SLC25A13: variants seen among roughly 807,000 people sequenced by gnomAD.
SLC25A13 encodes the protein solute carrier family 25 member 13, also known as electrogenic aspartate/glutamate antiporter SLC25A13, mitochondrial.
A neutral mutation model predicts 85.5 loss-of-function variants in SLC25A13; 70 were observed. The observed-to-expected ratio is 0.82, with a 90% CI of 0.68 to 1.00. SLC25A13 has a LOEUF of 1.00. Ranked by LOEUF, SLC25A13 falls within the 50% of genes least tolerant of loss-of-function variation. The pLI is 0.00. For missense variants in SLC25A13, 765 were observed against 819.8 expected, an observed-to-expected ratio of 0.93 and a Z score of 0.82; for synonymous variants, 259 against 288.7, an observed-to-expected ratio of 0.90 and a Z score of 1.04.
chr7:96,199,222 G>A (rs888649399), intron 5 of SLC25A13, among the ~76,000 whole-genome samples: 1 of 152,100 alleles, frequency 6.6e-6, no homozygotes, highest in African/African-American at 2.4e-5. Context: ...CCAGGCAGTC[G>A]GCTTCTGGAG....
intron 13 of SLC25A13, among the ~76,000 whole-genome samples, chr7:96,164,930 G>C (rs1793683911): frequency 6.6e-6 from 1 of 152,046 alleles, no homozygotes; most frequent in Admixed American, 6.5e-5. Context: ...TGATGGGAAG[G>C]GGTTTGACTA....
intron 13 of SLC25A13, among the ~76,000 whole-genome samples, chr7:96,162,898 G>A (rs1236633182): frequency 6.6e-6 from 1 of 152,090 alleles, no homozygotes; most frequent in Non-Finnish European, 1.5e-5. Flanking sequence ...ACCTTCATTT[G>A]ATTAACTCCA....
chr7:96,217,916 A>AAAAAG (rs1554356754), intron 4 of SLC25A13, among the ~76,000 whole-genome samples: 1 of 151,520 alleles, frequency 6.6e-6, no homozygotes, highest in Non-Finnish European at 1.5e-5. Context: ...AAAAAAACAA[A>AAAAAG]AAACACCTAG....
chr7:96,176,502 C>A (rs940272534), intron 11 of SLC25A13, among the ~76,000 whole-genome samples: 1 of 152,162 alleles, frequency 6.6e-6, no homozygotes, highest in Non-Finnish European at 1.5e-5. Flanking sequence ...GCTGCTAATG[C>A]GAGAAAAGAT....
rs778838192 is a variant in SLC25A13, at chr7:96,185,057, G to T, written c.934-46C>A. On this transcript the variant is annotated intron_variant, in intron 9 of 17. Coordinates refer to ENST00000265631, the MANE Select transcript of SLC25A13 (RefSeq NM_014251.3). Reference sequence around the variant, plus strand: ...TCAGAGAGCAGGAAAACAGGTGACAGAAAAGAAGATAAAACAAAAATGACC... The same window carrying T: ...TCAGAGAGCAGGAAAACAGGTGACATAAAAGAAGATAAAACAAAAATGACC... The T allele has an allele frequency of 2.7e-5, 41 of 1,515,122 alleles. No individual in the cohort carries two copies. In the South Asian group the frequency reaches 4.7e-4, roughly 17 times the overall value. The allele number at this position is 1,515,122 out of a possible 1,614,324, so 93.9% of individuals were successfully genotyped here.
intron 11 of SLC25A13, among the ~76,000 whole-genome samples, chr7:96,179,342 G>A (rs1254626005): frequency 2.0e-5 from 3 of 152,128 alleles, no homozygotes; most frequent in African/African-American, 4.8e-5. Context: ...CATTTTTGAG[G>A]TGTGGAACTA....
intron 1 of SLC25A13, among the ~76,000 whole-genome samples, chr7:96,320,259 A>G (rs1325714427): frequency 6.6e-6 from 1 of 152,138 alleles, no homozygotes; most frequent in Non-Finnish European, 1.5e-5. Context: ...CGCCCGCCCC[A>G]GCCTCCCAAA....
chr7:96,171,414 T>C, intron 12 of SLC25A13, 58 bp downstream of exon 12: 2 of 1,474,382 alleles, frequency 1.4e-6, no homozygotes, highest in Non-Finnish European at 1.9e-6. Flanking sequence ...GAATACCTGC[T>C]AGATTCTTGA....
At chr7:96,286,013 G>A (rs1279459448) in intron 2 of SLC25A13, among the ~76,000 whole-genome samples, 3 of 152,116 alleles carry the variant, frequency 2.0e-5, no homozygotes, top group East Asian at 1.9e-4. Context: ...GGCCAGGCAC[G>A]GTGGCTCATG....
intron 1 of SLC25A13, among the ~76,000 whole-genome samples, chr7:96,321,515 C>A (rs539978854): frequency 6.6e-6 from 1 of 151,980 alleles, no homozygotes; most frequent in Non-Finnish European, 1.5e-5. Context: ...GGCTTCAGCC[C>A]GGGCTCTGGC....
At chr7:96,273,110 T>C (rs1798309933) in intron 3 of SLC25A13, among the ~76,000 whole-genome samples, 1 of 152,154 alleles carries the variant, frequency 6.6e-6, no homozygotes, top group Non-Finnish European at 1.5e-5. Flanking sequence ...ATGGGTAGTA[T>C]AGAATAGCTC....
intron 1 of SLC25A13, among the ~76,000 whole-genome samples, chr7:96,313,356 C>T (rs554345969): frequency 2.6e-5 from 4 of 152,276 alleles, no homozygotes; most frequent in African/African-American, 9.6e-5. Flanking sequence ...AGACAGGAAA[C>T]CAACCTAGGT....
intron 3 of SLC25A13, among the ~76,000 whole-genome samples, chr7:96,276,788 G>C (rs184218035): frequency 2.6e-4 from 39 of 152,248 alleles, no homozygotes; most frequent in Admixed American, 1.7e-3. Flanking sequence ...GGAATCACCT[G>C]TGAATTTTTA....
chr7:96,313,089 G>C (rs1800004233), intron 1 of SLC25A13, among the ~76,000 whole-genome samples: 1 of 152,250 alleles, frequency 6.6e-6, no homozygotes, highest in South Asian at 2.1e-4. Context: ...GGTCAGCAGA[G>C]TTTGAAATAT....
chr7:96,318,141 C>G (rs1485251036), intron 1 of SLC25A13, among the ~76,000 whole-genome samples: 1 of 152,116 alleles, frequency 6.6e-6, no homozygotes, highest in Admixed American at 6.5e-5. Context: ...TAATGTGCCC[C>G]CAAATTTCCT....
chr7:96,267,924 C>A (rs1234332792), intron 3 of SLC25A13, among the ~76,000 whole-genome samples: 1 of 152,134 alleles, frequency 6.6e-6, no homozygotes, highest in African/African-American at 2.4e-5. Flanking sequence ...ACTGAGATAT[C>A]TAACATTCCC....
At chr7:96,163,600 G>A (rs1283818144) in intron 13 of SLC25A13, among the ~76,000 whole-genome samples, 2 of 152,206 alleles carry the variant, frequency 1.3e-5, no homozygotes, top group African/African-American at 4.8e-5. Flanking sequence ...CAATGATGGA[G>A]AAACACTGAG....
intron 15 of SLC25A13, among the ~76,000 whole-genome samples, chr7:96,129,199 C>T (rs1229368408): frequency 6.6e-6 from 1 of 152,154 alleles, no homozygotes; most frequent in South Asian, 2.1e-4. Context: ...GCTGCTTCTA[C>T]CCCACACCTG....
chr7:96,169,661 G>A (rs1793917844), intron 13 of SLC25A13, among the ~76,000 whole-genome samples: 1 of 152,192 alleles, frequency 6.6e-6, no homozygotes, highest in Non-Finnish European at 1.5e-5. Context: ...TACGGTTGCT[G>A]ACTTCAGACT....
Sources: gnomAD v4.1 joint callset for allele counts (sites outside exome capture counted in the v4.1 genomes callset) on GRCh38, gnomAD v4.1.1 for gene constraint, MANE v1.5 for transcripts, NCBI Gene and HGNC (gene_info 2026-07-23, HGNC 2026-07-21) for gene names.